TRAPPC13: variants seen among roughly 807,000 people sequenced by gnomAD.
TRAPPC13 encodes the protein trafficking protein particle complex subunit 13, also known as REV7-interacting novel NHEJ regulator 1.
A neutral mutation model predicts 54.0 loss-of-function variants in TRAPPC13; 39 were observed. That is an observed-to-expected ratio of 0.72 (90% CI 0.56 to 0.94). The LOEUF (loss-of-function observed/expected upper bound fraction) is 0.94. Ranked by LOEUF, TRAPPC13 falls within the 40% of genes least tolerant of loss-of-function variation. The pLI, the probability that TRAPPC13 is intolerant of heterozygous loss-of-function variation, is 0.00. For missense variants in TRAPPC13, 386 were observed against 488.1 expected (o/e 0.79, Z 1.97); for synonymous variants, 148 against 167.7 (o/e 0.88, Z 0.91).
intron 5 of TRAPPC13, among the ~76,000 whole-genome samples, chr5:65,650,405 G>T (rs900907457): frequency 6.6e-6 from 1 of 151,794 alleles, no homozygotes; most frequent in African/African-American, 2.4e-5. Context: ...CAAGTGATCC[G>T]CCCGCCTTGA....
intron 4 of TRAPPC13, among the ~76,000 whole-genome samples, chr5:65,639,692 T>C (rs551643648): frequency 1.3e-5 from 2 of 152,338 alleles, no homozygotes; most frequent in African/African-American, 4.8e-5. Context: ...CAGTTGGCTT[T>C]TGAGCACTCT....
chr5:65,630,316 A>G, intron 1 of TRAPPC13: 1 of 1,522,330 alleles, frequency 6.6e-7, no homozygotes, highest in Non-Finnish European at 8.8e-7. Context: ...TTGTGCATAA[A>G]TATGGTGTTA....
intron 1 of TRAPPC13, among the ~76,000 whole-genome samples, chr5:65,634,199 A>G (rs886461366): frequency 6.6e-6 from 1 of 151,666 alleles, no homozygotes; most frequent in Non-Finnish European, 1.5e-5. Context: ...GTTAGCCAGG[A>G]TAGTCTCAAT....
intron 1 of TRAPPC13, among the ~76,000 whole-genome samples, chr5:65,631,866 A>G (rs900173471): frequency 6.6e-6 from 1 of 152,036 alleles, no homozygotes; most frequent in African/African-American, 2.4e-5. Flanking sequence ...GGAACCTATA[A>G]TAAGCAAATA....
intron 9 of TRAPPC13, among the ~76,000 whole-genome samples, 168 bp from the exon 10 acceptor site, chr5:65,660,531 A>T (rs899023721): frequency 3.3e-5 from 5 of 152,142 alleles, no homozygotes; most frequent in Non-Finnish European, 7.4e-5. Flanking sequence ...AAAATAAATC[A>T]TTGCAGTATA....
At chr5:65,654,842 G>A (rs1756591908) in intron 7 of TRAPPC13, among the ~76,000 whole-genome samples, 1 of 152,170 alleles carries the variant, frequency 6.6e-6, no homozygotes, top group Non-Finnish European at 1.5e-5. Flanking sequence ...TTGGTCACCT[G>A]CCAGGTACCG....
rs551912160 is a variant in TRAPPC13 at position 65,647,189 on chromosome 5, A to G, written c.428+7A>G. The G allele has an allele frequency of 3.8e-6, 6 of 1,565,784 alleles. No homozygotes were observed. The highest frequency in any genetic ancestry group is 3.5e-6 in the Non-Finnish European group (4 of 1,158,452). ...AAGAAATTGGAACACACATGTAAGGATTAATTTTATTAGTTCTCAAAGGTT... is the reference window on the plus strand; with the variant it reads ...AAGAAATTGGAACACACATGTAAGGGTTAATTTTATTAGTTCTCAAAGGTT... On this transcript the variant is annotated splice_region_variant and intron_variant, in intron 5 of 12. Coordinates refer to ENST00000399438, the MANE Select transcript of TRAPPC13 (RefSeq NM_024941.4).
chr5:65,644,008 G>A (rs937757412), intron 4 of TRAPPC13, among the ~76,000 whole-genome samples: 1 of 152,038 alleles, frequency 6.6e-6, no homozygotes, highest in Non-Finnish European at 1.5e-5. Context: ...TTCAAGTTTA[G>A]TTTGGCTAGA....
intron 5 of TRAPPC13, 24 bp from the exon 6 acceptor site, chr5:65,650,786 C>A: frequency 1.3e-6 from 2 of 1,594,532 alleles, no homozygotes; most frequent in South Asian, 1.1e-5. Flanking sequence ...GACTCAGAAT[C>A]GTTAAGACAT....
In TRAPPC13 at chr5:65,628,668, C is replaced by T. The variant is rs187798791; in HGVS notation, c.46+3562C>T. On this transcript the variant is annotated intron_variant, in intron 1 of 12. Coordinates refer to ENST00000399438, the MANE Select transcript of TRAPPC13 (RefSeq NM_024941.4). ...TGTATCTTTAGTAGAGCCGGAGTTTCACCATGTTGGCCAGGCTGGTCTCAA... is the reference window on the plus strand; with the variant it reads ...TGTATCTTTAGTAGAGCCGGAGTTTTACCATGTTGGCCAGGCTGGTCTCAA... 9.9e-5 allele frequency among the ~76,000 whole-genome samples: 15 copies of T among 151,940 alleles called. No individual in the cohort carries two copies. In the East Asian group the frequency reaches 1.7e-3, roughly 18 times the overall value.
At chr5:65,652,675 A>G (rs931591942) in intron 7 of TRAPPC13, 130 bp downstream of exon 7, 10 of 751,556 alleles carry the variant, frequency 1.3e-5, no homozygotes, top group Non-Finnish European at 2.4e-5. Flanking sequence ...AAAAAATCAC[A>G]AATTTCAGTT....
intron 1 of TRAPPC13, among the ~76,000 whole-genome samples, chr5:65,625,689 ATTAT>A (rs1755184615): frequency 6.6e-6 from 1 of 152,154 alleles, no homozygotes; most frequent in African/African-American, 2.4e-5. Context: ...TAATTAGATC[ATTAT>A]TTAGGAAAAA....
chr5:65,642,711 C>T (rs1207980327), intron 4 of TRAPPC13, among the ~76,000 whole-genome samples: 2 of 152,106 alleles, frequency 1.3e-5, no homozygotes, highest in Non-Finnish European at 2.9e-5. Context: ...CACTCTGTTG[C>T]CCAGGTTGGT....
intron 1 of TRAPPC13, among the ~76,000 whole-genome samples, chr5:65,628,037 C>A (rs2150658139): frequency 6.6e-6 from 1 of 152,214 alleles, no homozygotes; most frequent in East Asian, 1.9e-4. Context: ...TTATTTTTTT[C>A]TGCTGTTGTT....
chr5:65,630,914 A>G (rs1178734733), intron 1 of TRAPPC13: 1 of 156,452 alleles, frequency 6.4e-6, no homozygotes, highest in African/African-American at 2.4e-5. Flanking sequence ...TCTAATACAG[A>G]TAATTCAGTA....
At chr5:65,654,949 C>T (rs1262178601) in intron 7 of TRAPPC13, among the ~76,000 whole-genome samples, 1 of 152,180 alleles carries the variant, frequency 6.6e-6, no homozygotes, top group African/African-American at 2.4e-5. Context: ...GCCCCTCCCA[C>T]ACATATAACC....
At position 65,665,272 on chromosome 5, in the gene TRAPPC13, T is replaced by TA. The variant is rs1757000614; in HGVS notation, c.*662dup. 6.6e-6 allele frequency: 1 copy of TA among 152,220 alleles called. No homozygotes were observed. The highest frequency in any genetic ancestry group is 6.5e-5 in the Admixed American group (1 of 15,280). 9.4% of individuals were successfully genotyped at this position (152,220 alleles called of 1,614,324 possible). ...CAATCTAGAAGATAGAGTTGTTTCT[T>TA]AGAACTTTGTAATATTTTGGTTAGA... is the stretch of plus-strand genomic sequence containing the variant. On this transcript the variant is annotated 3_prime_UTR_variant, in exon 13 of 13. Coordinates refer to ENST00000399438, the MANE Select transcript of TRAPPC13 (RefSeq NM_024941.4).
chr5:65,646,119 A>G lies in TRAPPC13; in HGVS notation c.301-936A>G, dbSNP rs549158699. ...AAACAAAATCATACATAAGGTAATTATAGATTGTGATAAATGTTACAAAGG... is the reference window on the plus strand; with the variant it reads ...AAACAAAATCATACATAAGGTAATTGTAGATTGTGATAAATGTTACAAAGG... On this transcript the variant is annotated intron_variant, in intron 4 of 12. Transcript: ENST00000399438. 2.6e-4 allele frequency among the ~76,000 whole-genome samples: 39 copies of G among 152,302 alleles called. No homozygotes were observed. In the South Asian group the frequency reaches 7.7e-3, roughly 30 times the overall value.
rs1216422432 is a variant in TRAPPC13 at position 65,664,278 on chromosome 5, AT to A, written c.1042del (p.Ser348ProfsTer40). The A allele has an allele frequency of 1.2e-6, 2 of 1,613,770 alleles. No homozygotes were observed. Among genetic ancestry groups the A allele is most frequent in the African/African-American group, 2.7e-5 (2 of 74,932 alleles). On this transcript the variant is annotated frameshift_variant, in exon 12 of 13. Coordinates refer to ENST00000399438, the MANE Select transcript of TRAPPC13 (RefSeq NM_024941.4). LOFTEE classifies it high-confidence loss of function. ...CTGGTTTTGGAAATGTGCAATACCA[AT>A]TCCATCCACTGGTGTGGAATTTCAG... ...MDLVLEMCNTNSIHWCGISGR... is the reference protein window; with the variant it reads ...MDLVLEMCNTXSIHWCGISGR...
Sources: gnomAD v4.1 joint callset for allele counts (sites outside exome capture counted in the v4.1 genomes callset) on GRCh38, gnomAD v4.1.1 for gene constraint, MANE v1.5 for transcripts, NCBI Gene and HGNC (gene_info 2026-07-23, HGNC 2026-07-21) for gene names.